CFAP251: variants seen among roughly 807,000 people sequenced by gnomAD.
CFAP251 encodes the protein cilia- and flagella-associated protein 251.
CFAP251 carries 93 observed loss-of-function variants against 126.7 expected under a neutral mutation model. The observed-to-expected ratio is 0.73, with a 90% confidence interval of 0.62 to 0.87. The LOEUF (loss-of-function observed/expected upper bound fraction) is 0.87, where lower values mean the gene tolerates loss of function less well. Ranked by LOEUF, CFAP251 falls within the 40% of genes least tolerant of loss-of-function variation. The pLI, the probability that CFAP251 is intolerant of heterozygous loss-of-function variation, is 0.00. For missense variants in CFAP251, 1,287 were observed against 1,389.2 expected, an observed-to-expected ratio of 0.93 and a Z score of 1.17; for synonymous variants, 503 against 506.9, an observed-to-expected ratio of 0.99 and a Z score of 0.10.
Position 121,943,824 on chromosome 12 carries a change from TCTTTACTTAC to T in CFAP251, c.1191+850_1191+859del, listed in dbSNP as rs1881219776. Among the ~76,000 whole-genome samples the T allele has an allele frequency of 2.0e-5, 3 of 152,352 alleles. No individual in the cohort carries two copies. In the South Asian group the frequency reaches 6.2e-4, roughly 32 times the overall value. ...ACTTATGTTCCAGAGTCTGCTAAATTCTTTACTTACATTATCTCACATAATCCATGCAAAC... is the reference window on the plus strand; with the variant it reads ...ACTTATGTTCCAGAGTCTGCTAAATTATTATCTCACATAATCCATGCAAAC... On this transcript the variant is annotated intron_variant, in intron 7 of 21. Coordinates refer to ENST00000288912, the MANE Select transcript of CFAP251 (RefSeq NM_144668.6).
At chr12:121,993,752 G>T in intron 19 of CFAP251, among the ~76,000 whole-genome samples, 1 of 151,396 alleles carries the variant, frequency 6.6e-6, no homozygotes, top group Middle Eastern at 3.4e-3. Context: ...TCTGAGAAGT[G>T]AGGAGCCCCT....
intron 3 of CFAP251, among the ~76,000 whole-genome samples, chr12:121,925,008 T>A (rs1174741427): frequency 1.3e-5 from 2 of 151,520 alleles, no homozygotes; most frequent in Non-Finnish European, 2.9e-5. Context: ...TTTTCTCTCT[T>A]CCCTCCTGTC....
chr12:121,962,980 G>A (rs1364760258), intron 15 of CFAP251, among the ~76,000 whole-genome samples: 1 of 152,200 alleles, frequency 6.6e-6, no homozygotes, highest in African/African-American at 2.4e-5. Context: ...GTACGGGCTG[G>A]TGCCAGGCAC....
At chr12:121,992,410 G>A in intron 19 of CFAP251, 1 of 985,354 alleles carries the variant, frequency 1.0e-6, no homozygotes, top group Non-Finnish European at 1.2e-6. Context: ...ATCACATGCT[G>A]AGTGGTTTGT....
intron 10 of CFAP251, among the ~76,000 whole-genome samples, chr12:121,956,189 C>G (rs1280673280): frequency 6.6e-6 from 1 of 152,216 alleles, no homozygotes; most frequent in Non-Finnish European, 1.5e-5. Context: ...TATGATCACA[C>G]TAACAGTAGT....
chr12:121,975,170 C>T, intron 17 of CFAP251, 74 bp from the exon 18 acceptor site: 1 of 1,225,052 alleles, frequency 8.2e-7, no homozygotes, highest in Non-Finnish European at 1.2e-6. Flanking sequence ...GGCCGCAGTG[C>T]TGTGCGGACC....
intron 19 of CFAP251, among the ~76,000 whole-genome samples, chr12:121,985,514 C>T (rs1003653311): frequency 4.8e-5 from 6 of 125,864 alleles, no homozygotes; most frequent in Admixed American, 9.5e-5. Flanking sequence ...CCAGCCTGGG[C>T]GACAGAGCAA....
At chr12:121,952,721 G>A (rs1881578727) in intron 9 of CFAP251, 1 of 151,996 alleles carries the variant, frequency 6.6e-6, no homozygotes, top group Admixed American at 6.6e-5. Flanking sequence ...CTTCTCTCTC[G>A]GTATGATTTG....
chr12:121,956,010 T>G (rs1881715351), intron 10 of CFAP251: 1 of 152,172 alleles, frequency 6.6e-6, no homozygotes, highest in Non-Finnish European at 1.5e-5. Context: ...GAAACCTCAT[T>G]TAACCACTCT....
chr12:121,920,148 C>T (rs1368247671), intron 1 of CFAP251, among the ~76,000 whole-genome samples: 3 of 148,862 alleles, frequency 2.0e-5, no homozygotes, highest in Admixed American at 6.7e-5. Flanking sequence ...CGTGCCACTG[C>T]ACTCCAGCCT....
rs745808402 is a variant in CFAP251, at chr12:121,954,250, C to G, written c.1451C>G (p.Thr484Ser). The change falls in exon 10 of 22, where the codon ACC becomes AGC. Residue 484 changes from threonine to serine, a missense_variant. Physicochemically the swap from Thr to Ser is moderately conservative, Grantham distance 58. Transcript: ENST00000288912. ...DIHRPPSSAS[T>S]FLGFPYIKPC... The stretch of plus-strand genomic sequence containing the variant: ...CACCGCCCACCCTCATCTGCCTCCA[C>G]CTTTTTGGGCTTTCCCTATATCAAG... 2 of 1,614,144 alleles carry G rather than the reference C, an allele frequency of 1.2e-6. No homozygotes were observed. Among genetic ancestry groups the G allele is most frequent in the South Asian group, 2.2e-5 (2 of 91,088 alleles).
intron 19 of CFAP251, among the ~76,000 whole-genome samples, chr12:121,978,380 C>T: frequency 2.4e-5 from 1 of 41,110 alleles, no homozygotes; most frequent in African/African-American, 8.5e-5. Context: ...GGCGACAGAG[C>T]AAGACTCTGT....
At chr12:121,936,352 C>T (rs1187730769) in intron 5 of CFAP251, among the ~76,000 whole-genome samples, 2 of 152,068 alleles carry the variant, frequency 1.3e-5, no homozygotes, top group South Asian at 2.1e-4. Flanking sequence ...GAGGCTGAGG[C>T]GGGAAGATGG....
chr12:122,000,066 T>C (rs895313279), intron 20 of CFAP251, 122 bp downstream of exon 20: 2 of 940,162 alleles, frequency 2.1e-6, no homozygotes, highest in Non-Finnish European at 3.1e-6. Context: ...TTTGACCAGA[T>C]TTGAGCCATG....
At chr12:121,937,245 T>A (rs1880931610) in intron 5 of CFAP251, among the ~76,000 whole-genome samples, 1 of 152,154 alleles carries the variant, frequency 6.6e-6, no homozygotes, top group Non-Finnish European at 1.5e-5. Context: ...CGGGTGACCC[T>A]TGGTGTCTTT....
At chr12:121,942,704 C>A (rs1881171502) in intron 6 of CFAP251, 59 bp downstream of exon 6, 1 of 1,391,662 alleles carries the variant, frequency 7.2e-7, no homozygotes, top group East Asian at 2.4e-5. Flanking sequence ...TGCAGCGTGT[C>A]CCCATGGGCA....
At chr12:121,922,590 A>G (rs1880231087) in intron 2 of CFAP251, among the ~76,000 whole-genome samples, 2 of 151,960 alleles carry the variant, frequency 1.3e-5, no homozygotes, top group South Asian at 2.1e-4. Context: ...TGATAATAGG[A>G]GTGTAGGCTT....
At position 121,966,852 on chromosome 12, in the gene CFAP251, G is replaced by A. The variant is rs1592992470; in HGVS notation, c.2493-103G>A. The A allele has an allele frequency of 7.9e-6, 8 of 1,006,490 alleles. No homozygotes were observed. The East Asian group carries it at 1.7e-4, about 21-fold the overall frequency. 62.3% of individuals were successfully genotyped at this position (1,006,490 alleles called of 1,614,324 possible). On this transcript the variant is annotated intron_variant, in intron 15 of 21. Transcript: ENST00000288912. ...GCCTGCCTTGGCCTCCCGAAGTGCT[G>A]GGATTACAGGTGTGAGCCACTGCGC...
chr12:121,954,636 TAAAAAAAA>T (rs1174239421), intron 10 of CFAP251, among the ~76,000 whole-genome samples: 21 of 41,984 alleles, frequency 5.0e-4, no homozygotes, highest in South Asian at 3.1e-3. Flanking sequence ...CCTCCTGTCT[TAAAAAAAA>T]AAAAAAAAAA....
Sources: gnomAD v4.1 joint callset for allele counts (sites outside exome capture counted in the v4.1 genomes callset) on GRCh38, gnomAD v4.1.1 for gene constraint, MANE v1.5 for transcripts, NCBI Gene and HGNC (gene_info 2026-07-23, HGNC 2026-07-21) for gene names.